The following SLIT1 variants were observed in gnomAD, a reference collection of about 807,000 sequenced individuals.
SLIT1 encodes slit homolog 1 protein.
Under a neutral mutation model 186.1 loss-of-function variants are expected in SLIT1, and 66 were observed. The ratio of observed to expected loss-of-function variants is 0.35; its 90% CI spans 0.29 to 0.44. SLIT1 has a LOEUF of 0.44. SLIT1 is among the 20% of genes least tolerant of loss of function. The pLI is 1.00. For missense variants in SLIT1, 1,638 were observed against 2,037.4 expected, an observed-to-expected ratio of 0.80 and a Z score of 3.77; for synonymous variants, 761 against 833.8, an observed-to-expected ratio of 0.91 and a Z score of 1.50.
At chr10:97,155,405 G>A (rs1849936562) in intron 4 of SLIT1, 1 of 152,260 alleles carries the variant, frequency 6.6e-6, no homozygotes, top group Admixed American at 6.5e-5. Flanking sequence ...CCAAAGAGAA[G>A]GGTGGACTCG....
At chr10:97,031,565 G>A in intron 24 of SLIT1, 41 bp downstream of exon 24, 2 of 1,500,238 alleles carry the variant, frequency 1.3e-6, no homozygotes, top group Non-Finnish European at 1.8e-6. Flanking sequence ...GACCCTCAGT[G>A]GGGTGGATTT....
Position 97,000,153 on chromosome 10 carries a change from C to A in SLIT1, c.*959G>T, listed in dbSNP as rs374264047. The A allele has an allele frequency of 5.2e-5, 8 of 152,384 alleles. No homozygotes were observed. The East Asian group carries it at 1.5e-3, about 29-fold the overall frequency. The allele number at this position is 152,384 out of a possible 1,614,324, so 9.4% of individuals were successfully genotyped here. ...CCTTCCACTGCTCCCTACTGGCCTGCGGTGTGAAGGACTCTGAACCAGCTG... is the reference window on the plus strand; with the variant it reads ...CCTTCCACTGCTCCCTACTGGCCTGAGGTGTGAAGGACTCTGAACCAGCTG... On this transcript the variant is annotated 3_prime_UTR_variant, in exon 37 of 37. Coordinates refer to ENST00000266058, the MANE Select transcript of SLIT1 (RefSeq NM_003061.3).
At chr10:97,109,374 T>A (rs78295680) in intron 4 of SLIT1, among the ~76,000 whole-genome samples, 16,987 of 152,054 alleles carry the variant, frequency 0.11, 1,031 homozygotes, top group Middle Eastern at 0.18. Context: ...TCTGAGACCA[T>A]CTGCAACCTC....
chr10:97,171,170 C>T (rs533191075), intron 1 of SLIT1, among the ~76,000 whole-genome samples: 5 of 152,316 alleles, frequency 3.3e-5, no homozygotes, highest in South Asian at 4.1e-4. Flanking sequence ...AAGGCTGCGG[C>T]GCTGAGAGTG....
At chr10:97,030,922 G>T in intron 24 of SLIT1, 94 bp from the exon 25 acceptor site, 1 of 1,063,314 alleles carries the variant, frequency 9.4e-7, no homozygotes, top group Non-Finnish European at 1.4e-6. Context: ...AGAGGGGACA[G>T]GCCGTGCCTT....
rs532970238 is a variant in SLIT1, at chr10:97,077,986, T to C, written c.414-11900A>G. On this transcript the variant is annotated intron_variant, in intron 4 of 36. Coordinates refer to ENST00000266058, the MANE Select transcript of SLIT1 (RefSeq NM_003061.3). ...TTAGCCAGGTGTGTTAGTGTGTCTGTGGTCTCAGCTACTCAGGAGGCTGAG... is the reference window on the plus strand; with the variant it reads ...TTAGCCAGGTGTGTTAGTGTGTCTGCGGTCTCAGCTACTCAGGAGGCTGAG... Among the ~76,000 whole-genome samples the C allele has an allele frequency of 1.1e-3, 174 of 152,244 alleles. 1 individual carries two copies. The highest frequency in any genetic ancestry group is 4.1e-3 in the African/African-American group (171 of 41,528).
intron 18 of SLIT1, among the ~76,000 whole-genome samples, chr10:97,046,312 C>A (rs1053238934): frequency 1.3e-5 from 2 of 152,198 alleles, no homozygotes; most frequent in African/African-American, 4.8e-5. Flanking sequence ...GGTCATCCAG[C>A]CCCTCCTGCC....
intron 16 of SLIT1, 36 bp downstream of exon 16, chr10:97,047,654 G>A: frequency 6.2e-7 from 1 of 1,602,468 alleles, no homozygotes; most frequent in African/African-American, 1.3e-5. Context: ...TGGCAGTTAG[G>A]GACAGGGGAG....
At chr10:97,081,638 C>T (rs1055883728) in intron 4 of SLIT1, among the ~76,000 whole-genome samples, 1 of 152,204 alleles carries the variant, frequency 6.6e-6, no homozygotes, top group African/African-American at 2.4e-5. Flanking sequence ...AGGCCCCCTC[C>T]ACATGCACAG....
chr10:97,023,523 C>T (rs1333971185), intron 25 of SLIT1, among the ~76,000 whole-genome samples: 1 of 152,206 alleles, frequency 6.6e-6, no homozygotes, highest in Non-Finnish European at 1.5e-5. Context: ...CCTGCTCTCA[C>T]GCCTGCACCA....
intron 22 of SLIT1, 49 bp from the exon 23 acceptor site, chr10:97,034,591 G>C: frequency 6.6e-7 from 1 of 1,509,706 alleles, no homozygotes; most frequent in Non-Finnish European, 9.2e-7. Flanking sequence ...ACTCAGCCCT[G>C]GCTCACATTC....
chr10:97,106,369 G>T (rs1849414372), intron 4 of SLIT1, among the ~76,000 whole-genome samples: 1 of 147,108 alleles, frequency 6.8e-6, no homozygotes, highest in Non-Finnish European at 1.5e-5. Flanking sequence ...AGAGACTAGG[G>T]GAGGGAGAGA....
chr10:97,053,212 C>T (rs186738020), intron 13 of SLIT1, among the ~76,000 whole-genome samples: 2 of 152,336 alleles, frequency 1.3e-5, no homozygotes, highest in African/African-American at 2.4e-5. Context: ...CATTCCCCAT[C>T]CCCAAGGTTT....
chr10:97,058,170 T>C (rs1848858839), intron 11 of SLIT1: 6 of 670,564 alleles, frequency 8.9e-6, no homozygotes, highest in South Asian at 7.9e-5. Flanking sequence ...AGGAAGCCAC[T>C]GAGACAGCAT....
At chr10:97,038,374 G>A (rs911554515) in intron 21 of SLIT1, among the ~76,000 whole-genome samples, 1 of 152,028 alleles carries the variant, frequency 6.6e-6, no homozygotes, top group African/African-American at 2.4e-5. Flanking sequence ...CACCACCCAT[G>A]CCCGGGCTCC....
At chr10:97,051,530 T>TGTTG (rs3039938) in intron 13 of SLIT1, among the ~76,000 whole-genome samples, 42,307 of 151,886 alleles carry the variant, frequency 0.28, 6,741 homozygotes, top group African/African-American at 0.44. Flanking sequence ...GAAATGAAAA[T>TGTTG]GTCGGGCGCG....
At chr10:97,106,574 A>G (rs1849417470) in intron 4 of SLIT1, among the ~76,000 whole-genome samples, 1 of 152,200 alleles carries the variant, frequency 6.6e-6, no homozygotes, top group Non-Finnish European at 1.5e-5. Context: ...AGTCCCTGCA[A>G]TAACCCTGGG....
At chr10:97,153,478 A>G (rs1849904831) in intron 4 of SLIT1, 4 of 152,242 alleles carry the variant, frequency 2.6e-5, no homozygotes, top group Admixed American at 2.6e-4. Flanking sequence ...AAGAATTAGT[A>G]ACAGATCCCT....
Position 97,068,453 on chromosome 10 carries a change from A to C in SLIT1, c.414-2367T>G, listed in dbSNP as rs1848971623. The stretch of plus-strand genomic sequence containing the variant: ...CCCAGCCCCTCTGTCCTGTCCCCTC[A>C]CAGCCTTTAGAAAAGCAGCCAGGCA... On this transcript the variant is annotated intron_variant, in intron 4 of 36. Coordinates refer to ENST00000266058, the MANE Select transcript of SLIT1 (RefSeq NM_003061.3). This position sits in a 1 kb window ranked among gnomAD's most constrained non-coding sequence, Gnocchi z 4.2. Among the ~76,000 whole-genome samples the C allele has an allele frequency of 6.6e-6, 1 of 151,626 alleles. No individual in the cohort carries two copies. Among genetic ancestry groups the C allele is most frequent in the Non-Finnish European group, 1.5e-5 (1 of 67,918 alleles).
Sources: gnomAD v4.1 joint callset for allele counts (sites outside exome capture counted in the v4.1 genomes callset) on GRCh38, gnomAD v4.1.1 for gene constraint, Gnocchi (gnomAD v3.1) non-coding constraint, MANE v1.5 for transcripts, NCBI Gene and HGNC (gene_info 2026-07-23, HGNC 2026-07-21) for gene names.